VPS53: variants seen among roughly 807,000 people sequenced by gnomAD.
The protein encoded by VPS53 is vacuolar protein sorting-associated protein 53 homolog.
A neutral mutation model predicts 107.0 loss-of-function variants in VPS53; 70 were observed. The observed-to-expected ratio is 0.65, with a 90% CI of 0.54 to 0.80. The LOEUF (loss-of-function observed/expected upper bound fraction) is 0.80, where lower values mean the gene tolerates loss of function less well. VPS53 is among the 30% of genes least tolerant of loss of function. The pLI is 0.00. For missense variants in VPS53, 917 were observed against 1,049.4 expected, an observed-to-expected ratio of 0.87 and a Z score of 1.74; for synonymous variants, 409 against 393.3, an observed-to-expected ratio of 1.04 and a Z score of -0.47.
intron 4 of VPS53, chr17:676,392 G>A (rs12232517): frequency 0.079 from 11,952 of 152,196 alleles, 572 homozygotes; most frequent in Non-Finnish European, 0.11. Flanking sequence ...CAGTAATTCC[G>A]CAATTTTTCT....
intron 7 of VPS53, among the ~76,000 whole-genome samples, chr17:641,428 T>C (rs1197575393): frequency 6.6e-6 from 1 of 152,230 alleles, no homozygotes; most frequent in Non-Finnish European, 1.5e-5. Flanking sequence ...GTAGCTCAAC[T>C]GATAACTGTC....
intron 17 of VPS53, among the ~76,000 whole-genome samples, chr17:548,704 C>CAGTCT (rs1911526194): frequency 6.6e-6 from 1 of 152,240 alleles, no homozygotes; most frequent in African/African-American, 2.4e-5. Context: ...TCCTTGAGGA[C>CAGTCT]AGTCTCGTTT....
At position 516,898 on chromosome 17, in the gene VPS53, G is replaced by A. The variant is rs982758194; in HGVS notation, c.*2230C>T. The A allele has an allele frequency of 6.6e-6, 1 of 152,368 alleles. No individual in the cohort carries two copies. Among genetic ancestry groups the A allele is most frequent in the East Asian group, 1.9e-4 (1 of 5,210 alleles). The allele number at this position is 152,368 out of a possible 1,614,324, so 9.4% of individuals were successfully genotyped here. On this transcript the variant is annotated 3_prime_UTR_variant, in exon 22 of 22. Coordinates refer to ENST00000437048, the MANE Select transcript of VPS53 (RefSeq NM_001128159.3). ...CTTGATAGCTCAATGCTGTGATGGA[G>A]CCGTCCGGAAAACGACTCCTCAACA...
In VPS53 at chr17:526,723, G is replaced by A. The variant is rs1002365276; in HGVS notation, c.2086-4985C>T. ...CTGGCTAATGTTGTTGATGGGATGT[G>A]GGGGTGCAAGGGTGGCCAGTATGCC... On this transcript the variant is annotated intron_variant, in intron 19 of 21. Transcript: ENST00000437048. Among the ~76,000 whole-genome samples, 5 of 152,184 alleles carry A rather than the reference G, an allele frequency of 3.3e-5. No individual in the cohort carries two copies. The South Asian group carries it at 1.0e-3, about 32-fold the overall frequency.
chr17:608,422 A>G (rs1205834040), intron 11 of VPS53, among the ~76,000 whole-genome samples: 4 of 152,158 alleles, frequency 2.6e-5, no homozygotes, highest in African/African-American at 9.7e-5. Context: ...TGTAAACAAA[A>G]CAAAAAGCCT....
chr17:654,924 C>T (rs1431234737), intron 6 of VPS53, among the ~76,000 whole-genome samples: 2 of 152,236 alleles, frequency 1.3e-5, no homozygotes, highest in East Asian at 3.9e-4. Context: ...GCCCTCTGGC[C>T]TCCCTCTGGC....
chr17:640,814 G>A (rs1970395401), intron 7 of VPS53, among the ~76,000 whole-genome samples: 1 of 152,028 alleles, frequency 6.6e-6, no homozygotes, highest in Admixed American at 6.6e-5. Context: ...TGGAGCAGAA[G>A]GATACGCATA....
At chr17:535,074 C>G (rs1909925858) in intron 18 of VPS53, among the ~76,000 whole-genome samples, 1 of 152,192 alleles carries the variant, frequency 6.6e-6, no homozygotes, top group South Asian at 2.1e-4. Flanking sequence ...TCTGGGCCAT[C>G]AGGGCGGTGG....
intron 7 of VPS53, among the ~76,000 whole-genome samples, chr17:634,653 T>A (rs1035016028): frequency 2.0e-5 from 3 of 151,408 alleles, no homozygotes; most frequent in Non-Finnish European, 4.4e-5. Flanking sequence ...GTGTTTGGTT[T>A]TTTGTCCTTG....
rs1447896465 is a variant in VPS53, at chr17:519,804, G to C, written c.2328+22C>G. 4 of 1,513,526 alleles carry C rather than the reference G, an allele frequency of 2.6e-6. No homozygotes were observed. Among genetic ancestry groups the C allele is most frequent in the Non-Finnish European group, 3.6e-6 (4 of 1,112,390 alleles). The allele number at this position is 1,513,526 out of a possible 1,614,324, so 93.8% of individuals were successfully genotyped here. ...AGTGTGAGGGGGATGAGCAGGTGTG[G>C]ACCAAATGTCCCGGCACAAACCTTC... is the stretch of plus-strand genomic sequence containing the variant. On this transcript the variant is annotated intron_variant, in intron 21 of 21. Transcript: ENST00000437048. This position sits in a 1 kb window ranked among gnomAD's most constrained non-coding sequence, Gnocchi z 5.0.
chr17:536,111 G>A (rs1597258631), intron 18 of VPS53, among the ~76,000 whole-genome samples: 2 of 152,092 alleles, frequency 1.3e-5, no homozygotes, highest in Admixed American at 6.6e-5. Context: ...GATGGTGATC[G>A]GCAAAGAACT....
At position 521,599 on chromosome 17, in the gene VPS53, A is replaced by G; in HGVS notation, c.2223+2T>C. 1 of 1,529,378 alleles carries G rather than the reference A, an allele frequency of 6.5e-7. No individual in the cohort carries two copies. Among genetic ancestry groups the G allele is most frequent in the Non-Finnish European group, 8.8e-7 (1 of 1,134,434 alleles). 94.7% of individuals were successfully genotyped at this position (1,529,378 alleles called of 1,614,324 possible). ...CTGGCCCCTTTTAACACAAGCCATC[A>G]CCTTGAGGATCATCTCAGCCCGGGT... On this transcript the variant is annotated splice_donor_variant, in intron 20 of 21. Transcript: ENST00000437048. LOFTEE classifies it high-confidence loss of function.
Position 560,427 on chromosome 17 carries a change from T to C in VPS53, c.1703A>G (p.Gln568Arg). Residue 568 changes from glutamine (Q) to arginine (R), a missense_variant and splice_region_variant, in exon 15 of 22, where the codon CAG becomes CGG. Coordinates refer to ENST00000437048, the MANE Select transcript of VPS53 (RefSeq NM_001128159.3). Reference protein sequence around the residue: ...TAEYCLATTQQLEEKLKEKVD... With the variant: ...TAEYCLATTQRLEEKLKEKVD... Reference sequence around the variant, plus strand: ...GAGTGGGCAGCCAGGATGGCTCACCTGCTGGGTGGTGGCCAGACAGTACTC... The same window carrying C: ...GAGTGGGCAGCCAGGATGGCTCACCCGCTGGGTGGTGGCCAGACAGTACTC... The C allele has an allele frequency of 6.2e-7, 1 of 1,610,202 alleles. No homozygotes were observed. Among genetic ancestry groups the C allele is most frequent in the Non-Finnish European group, 8.5e-7 (1 of 1,178,692 alleles).
At chr17:674,435 G>A (rs1972077025) in intron 4 of VPS53, 1 of 152,186 alleles carries the variant, frequency 6.6e-6, no homozygotes, top group South Asian at 2.1e-4. Flanking sequence ...TCCCTCAGCT[G>A]ACTTTTTGAG....
intron 13 of VPS53, among the ~76,000 whole-genome samples, chr17:565,534 G>A (rs1240957793): frequency 6.6e-6 from 1 of 152,090 alleles, no homozygotes; most frequent in East Asian, 1.9e-4. Context: ...GAGAAAGCAG[G>A]GAAGGATCTC....
In VPS53 at chr17:512,811, A is replaced by G. The variant is rs1445140244; in HGVS notation, c.*6317T>C. 6.6e-6 allele frequency: 1 copy of G among 151,860 alleles called. No homozygotes were observed. The highest frequency in any genetic ancestry group is 1.5e-5 in the Non-Finnish European group (1 of 67,970). 9.4% of individuals were successfully genotyped at this position (151,860 alleles called of 1,614,324 possible). A position where few individuals can be genotyped will look rare whatever the true frequency, so the allele number is the denominator to read the frequency against. Reference sequence around the variant, plus strand: ...CAGGAGAGAAATCACTAAAGGACACAAGACTTCCCAAAGAGTTTTCATGGC... The same window carrying G: ...CAGGAGAGAAATCACTAAAGGACACGAGACTTCCCAAAGAGTTTTCATGGC... On this transcript the variant is annotated 3_prime_UTR_variant, in exon 22 of 22. Coordinates refer to ENST00000437048, the MANE Select transcript of VPS53 (RefSeq NM_001128159.3).
At chr17:590,321 A>G (rs946393048) in intron 12 of VPS53, among the ~76,000 whole-genome samples, 5 of 152,206 alleles carry the variant, frequency 3.3e-5, no homozygotes, top group African/African-American at 1.2e-4. Context: ...TGTCGTCTGC[A>G]AACAGGGACA....
chr17:702,149 T>C (rs1243885295), intron 2 of VPS53, among the ~76,000 whole-genome samples: 1 of 152,068 alleles, frequency 6.6e-6, no homozygotes, highest in Non-Finnish European at 1.5e-5. Flanking sequence ...GCCCAAGAGT[T>C]AGAGACCAAC....
intron 4 of VPS53, among the ~76,000 whole-genome samples, chr17:688,840 A>C (rs1266093984): frequency 6.6e-6 from 1 of 152,216 alleles, no homozygotes; most frequent in Non-Finnish European, 1.5e-5. Context: ...GCTGCCCCAC[A>C]GATCACGGTG....
Sources: allele counts gnomAD v4.1 joint callset (sites outside exome capture counted in the v4.1 genomes callset), GRCh38; gene constraint gnomAD v4.1.1; non-coding constraint Gnocchi (gnomAD v3.1); transcripts MANE v1.5; gene names NCBI Gene and HGNC (gene_info 2026-07-23, HGNC 2026-07-21).